The following RAB11FIP4 variants were observed in gnomAD, a reference collection of about 807,000 sequenced individuals.
RAB11FIP4 encodes the protein RAB11 family interacting protein 4, also known as rab11 family-interacting protein 4.
RAB11FIP4 carries 23 observed loss-of-function variants against 74.3 expected under a neutral mutation model. The observed-to-expected ratio is 0.31, with a 90% CI of 0.22 to 0.44. The LOEUF is 0.44. RAB11FIP4 is among the 20% of genes least tolerant of loss of function. The pLI is 1.00. For missense variants in RAB11FIP4, 630 were observed against 863.9 expected, an observed-to-expected ratio of 0.73 and a Z score of 3.39; for synonymous variants, 360 against 359.9, an observed-to-expected ratio of 1.00 and a Z score of 0.00.
intron 3 of RAB11FIP4, among the ~76,000 whole-genome samples, chr17:31,447,515 T>C (rs1423270847): frequency 6.6e-6 from 1 of 152,208 alleles, no homozygotes; most frequent in African/African-American, 2.4e-5. Flanking sequence ...AATTTTATTT[T>C]ACTTTATTTT....
chr17:31,517,196 G>GGGA, intron 3 of RAB11FIP4, among the ~76,000 whole-genome samples: 1 of 132,544 alleles, frequency 7.5e-6, no homozygotes, highest in Non-Finnish European at 1.7e-5. Context: ...CGGTGCGGGG[G>GGGA]GGGGGGCGGT....
chr17:31,524,740 T>G, intron 9 of RAB11FIP4: 1 of 302,952 alleles, frequency 3.3e-6, no homozygotes, highest in Non-Finnish European at 6.2e-6. Context: ...ATAAGCTGAA[T>G]TATTAATCAG....
In RAB11FIP4 at chr17:31,444,356, C is replaced by CA. The variant is rs200745996; in HGVS notation, c.336+10234_336+10235insA. On this transcript the variant is annotated intron_variant, in intron 3 of 14. Transcript: ENST00000621161. Reference sequence around the variant, plus strand: ...ATTTTTCTATGTTTCAACACCCCCCCCACCCTTCTAAAGAGAAAAAAAAAT... The same window carrying CA: ...ATTTTTCTATGTTTCAACACCCCCCCACACCCTTCTAAAGAGAAAAAAAAAT... Among the ~76,000 whole-genome samples, 1,411 of 151,244 alleles carry CA rather than the reference C, an allele frequency of 9.3e-3. 14 individuals are homozygous for CA. The highest frequency in any genetic ancestry group is 0.031 in the South Asian group (150 of 4,780).
At position 31,531,562 on chromosome 17, in the gene RAB11FIP4, GCC is replaced by G. The variant is rs2072871907; in HGVS notation, c.1798-53_1798-52del. On this transcript the variant is annotated intron_variant, in intron 14 of 14. Transcript: ENST00000621161. Reference sequence around the variant, plus strand: ...CGACAAGCCTGGGAGTCTGGACTCTGCCTGCACCCTATCCCAGGCCCAGCCAC... The same window carrying G: ...CGACAAGCCTGGGAGTCTGGACTCTGTGCACCCTATCCCAGGCCCAGCCAC... The G allele has an allele frequency of 1.3e-5, 16 of 1,220,412 alleles. No homozygotes were observed. The East Asian group carries it at 3.7e-4, about 28-fold the overall frequency. The allele number at this position is 1,220,412 out of a possible 1,614,324, so 75.6% of individuals were successfully genotyped here.
Position 31,391,750 on chromosome 17 carries a change from A to T in RAB11FIP4, c.-103A>T. ...CCACCGGGCGGAGGCTGCGCGGCGC[A>T]GACCCAGACGGGCGGCCCCGGAGGG... On this transcript the variant is annotated 5_prime_UTR_variant, in exon 1 of 15. Coordinates refer to ENST00000621161, the MANE Select transcript of RAB11FIP4 (RefSeq NM_032932.6). 1 of 867,736 alleles carries T rather than the reference A, an allele frequency of 1.2e-6. No homozygotes were observed. The highest frequency in any genetic ancestry group is 1.4e-6 in the Non-Finnish European group (1 of 725,302). 53.8% of individuals were successfully genotyped at this position (867,736 alleles called of 1,614,324 possible). A position where few individuals can be genotyped will look rare whatever the true frequency, so the allele number is the denominator to read the frequency against.
intron 3 of RAB11FIP4, among the ~76,000 whole-genome samples, chr17:31,495,730 G>C (rs1225675515): frequency 6.6e-6 from 1 of 152,200 alleles, no homozygotes. Flanking sequence ...TGTTGACAAG[G>C]CAGGTCTGGC....
intron 3 of RAB11FIP4, among the ~76,000 whole-genome samples, chr17:31,437,992 C>G (rs1337455246): frequency 6.6e-6 from 1 of 152,144 alleles, no homozygotes; most frequent in Non-Finnish European, 1.5e-5. Context: ...GCTTGGGAAC[C>G]CCAACTGTTG....
At chr17:31,398,708 C>A (rs1164734445) in intron 1 of RAB11FIP4, among the ~76,000 whole-genome samples, 1 of 152,178 alleles carries the variant, frequency 6.6e-6, no homozygotes, top group East Asian at 1.9e-4. Flanking sequence ...CAGACCTGGC[C>A]CTGGCTCTGA....
chr17:31,453,519 G>T (rs2071546741), intron 3 of RAB11FIP4, among the ~76,000 whole-genome samples: 1 of 152,104 alleles, frequency 6.6e-6, no homozygotes, highest in African/African-American at 2.4e-5. Context: ...GCTAGATGGA[G>T]GTTGTAACTC....
At chr17:31,407,187 A>G (rs1261547048) in intron 1 of RAB11FIP4, among the ~76,000 whole-genome samples, 4 of 151,308 alleles carry the variant, frequency 2.6e-5, no homozygotes, top group African/African-American at 9.7e-5. Flanking sequence ...TGGGACTAAC[A>G]GGTGTGTGCC....
At chr17:31,447,579 A>T (rs1215910585) in intron 3 of RAB11FIP4, among the ~76,000 whole-genome samples, 3 of 152,024 alleles carry the variant, frequency 2.0e-5, no homozygotes, top group Non-Finnish European at 4.4e-5. Context: ...CTGGAGTGCA[A>T]TAGTACGATC....
At chr17:31,428,127 C>T (rs1052745805) in intron 1 of RAB11FIP4, among the ~76,000 whole-genome samples, 1 of 152,144 alleles carries the variant, frequency 6.6e-6, no homozygotes, top group Non-Finnish European at 1.5e-5. Context: ...AGCACAGAGC[C>T]GCCAGGTTCC....
intron 1 of RAB11FIP4, among the ~76,000 whole-genome samples, chr17:31,405,082 T>C (rs1319398605): frequency 6.6e-6 from 1 of 152,052 alleles, no homozygotes; most frequent in Non-Finnish European, 1.5e-5. Context: ...CTATTGCCTT[T>C]AGACAAACCC....
At chr17:31,446,055 A>G (rs1322253656) in intron 3 of RAB11FIP4, among the ~76,000 whole-genome samples, 2 of 147,758 alleles carry the variant, frequency 1.4e-5, no homozygotes, top group Admixed American at 1.4e-4. Flanking sequence ...ACTCCTAATG[A>G]CATTGACCTT....
In RAB11FIP4 at chr17:31,536,181, A is replaced by C. The variant is rs1487451770; in HGVS notation, c.*4449A>C. ...CTGTGTGTGTGGTGGGGTTTAATGC[A>C]TTAGCAAATTTAAACTTAAAAACTA... On this transcript the variant is annotated 3_prime_UTR_variant, in exon 15 of 15. Transcript: ENST00000621161. 1 of 152,178 alleles carries C rather than the reference A, an allele frequency of 6.6e-6. No homozygotes were observed. The highest frequency in any genetic ancestry group is 1.9e-4 in the East Asian group (1 of 5,188). 9.4% of individuals were successfully genotyped at this position (152,178 alleles called of 1,614,324 possible). A position where few individuals can be genotyped will look rare whatever the true frequency, so the allele number is the denominator to read the frequency against.
chr17:31,516,103 C>T (rs759960976), intron 3 of RAB11FIP4, among the ~76,000 whole-genome samples: 1 of 152,096 alleles, frequency 6.6e-6, no homozygotes, highest in Non-Finnish European at 1.5e-5. Context: ...TGAAATACCT[C>T]ATTTAATCAG....
chr17:31,516,546 C>A (rs1266845981), intron 3 of RAB11FIP4, among the ~76,000 whole-genome samples: 1 of 152,196 alleles, frequency 6.6e-6, no homozygotes, highest in Non-Finnish European at 1.5e-5. Flanking sequence ...CTTGGCTCAC[C>A]GCAAGCTCCG....
chr17:31,427,145 A>G (rs974639822), intron 1 of RAB11FIP4, among the ~76,000 whole-genome samples: 4 of 151,948 alleles, frequency 2.6e-5, no homozygotes, highest in Admixed American at 2.0e-4. Flanking sequence ...TTTTTAGTAG[A>G]GACAGGGGTT....
intron 3 of RAB11FIP4, among the ~76,000 whole-genome samples, chr17:31,471,589 G>A (rs976457527): frequency 2.0e-5 from 3 of 152,174 alleles, no homozygotes; most frequent in African/African-American, 7.2e-5. Context: ...GGGAAGTGGC[G>A]GAGCCCAGCT....
Sources: allele counts gnomAD v4.1 joint callset (sites outside exome capture counted in the v4.1 genomes callset), GRCh38; gene constraint gnomAD v4.1.1; transcripts MANE v1.5; gene names NCBI Gene and HGNC (gene_info 2026-07-23, HGNC 2026-07-21).